MAK: variants seen among roughly 807,000 people sequenced by gnomAD.
MAK encodes the protein serine/threonine-protein kinase MAK.
Under a neutral mutation model 82.6 loss-of-function variants are expected in MAK, and 65 were observed. The ratio of observed to expected loss-of-function variants is 0.79; its 90% CI spans 0.64 to 0.97. The LOEUF (loss-of-function observed/expected upper bound fraction) is 0.97. Among genes scored for constraint, MAK ranks in the 50% least tolerant of loss-of-function variants. The pLI is 0.00. For synonymous variants in MAK, 250 were observed against 274.2 expected (o/e 0.91, Z 0.87); for missense variants, 703 against 780.2 (o/e 0.90, Z 1.18).
At chr6:10,820,407 G>A (rs927233284) in intron 2 of MAK, among the ~76,000 whole-genome samples, 1 of 152,080 alleles carries the variant, frequency 6.6e-6, no homozygotes, top group Non-Finnish European at 1.5e-5. Flanking sequence ...CTGTGGAACC[G>A]CACTGCCTGG....
At chr6:10,831,877 T>G (rs1395729142) in intron 1 of MAK, among the ~76,000 whole-genome samples, 9 of 152,202 alleles carry the variant, frequency 5.9e-5, no homozygotes, top group African/African-American at 2.2e-4. Flanking sequence ...AGAAACTGTT[T>G]TATTGAGATG....
intron 2 of MAK, chr6:10,826,587 T>C (rs934239084): frequency 1.2e-4 from 18 of 152,206 alleles, no homozygotes; most frequent in African/African-American, 4.1e-4. Flanking sequence ...CAACACACAG[T>C]AGATACTGCA....
chr6:10,826,729 G>A (rs796396173), intron 2 of MAK: 10 of 152,362 alleles, frequency 6.6e-5, no homozygotes, highest in African/African-American at 2.4e-4. Context: ...CCTGCAGCTA[G>A]GGGTGCCATG....
At chr6:10,768,963 G>A (rs1772729823) in intron 14 of MAK, among the ~76,000 whole-genome samples, 1 of 152,212 alleles carries the variant, frequency 6.6e-6, no homozygotes, top group African/African-American at 2.4e-5. Context: ...TAATCCCAGA[G>A]TTTTGGGAGG....
chr6:10,834,911 G>A (rs979265728), intron 1 of MAK, among the ~76,000 whole-genome samples: 5 of 152,308 alleles, frequency 3.3e-5, no homozygotes, highest in African/African-American at 1.2e-4. Flanking sequence ...GAGCGGGCTA[G>A]GGGACCGGGC....
At chr6:10,790,235 C>G (rs527513412) in intron 10 of MAK, among the ~76,000 whole-genome samples, 1 of 152,012 alleles carries the variant, frequency 6.6e-6, no homozygotes, top group Non-Finnish European at 1.5e-5. Context: ...GACCTGGAAA[C>G]GGATTGCATA....
At chr6:10,815,926 AT>A (rs1777453051) in intron 4 of MAK, among the ~76,000 whole-genome samples, 2 of 123,140 alleles carry the variant, frequency 1.6e-5, no homozygotes, top group African/African-American at 7.5e-5. Context: ...ATATATATAT[AT>A]ATATATATAT....
intron 1 of MAK, among the ~76,000 whole-genome samples, chr6:10,833,620 A>G (rs997014441): frequency 7.3e-5 from 11 of 151,262 alleles, no homozygotes; most frequent in African/African-American, 2.7e-4. Context: ...AATAATAATA[A>G]TAATAATAAT....
intron 2 of MAK, among the ~76,000 whole-genome samples, chr6:10,826,328 G>T (rs1376730755): frequency 6.6e-6 from 1 of 150,642 alleles, no homozygotes; most frequent in Non-Finnish European, 1.5e-5. Flanking sequence ...CTCCAGTGTG[G>T]CTTATCTAGG....
At chr6:10,795,699 G>T (rs1207466201) in intron 9 of MAK, among the ~76,000 whole-genome samples, 1 of 152,054 alleles carries the variant, frequency 6.6e-6, no homozygotes, top group Non-Finnish European at 1.5e-5. Flanking sequence ...AGCTAAGGTC[G>T]TGCCACTGCA....
chr6:10,772,317 T>C (rs1581643317), intron 13 of MAK, among the ~76,000 whole-genome samples: 1 of 152,028 alleles, frequency 6.6e-6, no homozygotes, highest in Non-Finnish European at 1.5e-5. Flanking sequence ...CCATCTCTAT[T>C]AACCCAGTTA....
intron 8 of MAK, among the ~76,000 whole-genome samples, chr6:10,799,067 G>T (rs1346503351): frequency 6.6e-6 from 1 of 152,084 alleles, no homozygotes; most frequent in East Asian, 1.9e-4. Context: ...CTGACCTCAA[G>T]TGATCCGCCT....
At chr6:10,831,936 A>C (rs1014973034) in intron 1 of MAK, among the ~76,000 whole-genome samples, 2 of 152,116 alleles carry the variant, frequency 1.3e-5, no homozygotes, top group Admixed American at 6.6e-5. Flanking sequence ...AAAGACAAAA[A>C]AGAATTTTTT....
chr6:10,797,962 T>C (rs1775694417), intron 8 of MAK: 1 of 1,158,208 alleles, frequency 8.6e-7, no homozygotes, highest in Admixed American at 4.2e-5. Flanking sequence ...AATACTTCAA[T>C]GCCTAGCACA....
intron 1 of MAK, among the ~76,000 whole-genome samples, chr6:10,837,019 T>C (rs1266803705): frequency 1.3e-5 from 2 of 152,194 alleles, no homozygotes; most frequent in Non-Finnish European, 2.9e-5. Flanking sequence ...TTTTGCCAGC[T>C]AATAAGAGAT....
At position 10,830,561 on chromosome 6, in the gene MAK, C is replaced by T; in HGVS notation, c.88G>A (p.Val30Met). 1 of 1,613,974 alleles carries T rather than the reference C, an allele frequency of 6.2e-7. No individual in the cohort carries two copies. Among genetic ancestry groups the T allele is most frequent in the South Asian group, 1.1e-5 (1 of 91,070 alleles). Residue 30 changes from valine to methionine, a missense_variant, in exon 2 of 15, where the codon GTG (valine) becomes ATG (methionine). Transcript: ENST00000354489. ...MGKSNESGELVAIKRMKRKFY... is the reference protein window; with the variant it reads ...MGKSNESGELMAIKRMKRKFY... Reference sequence around the variant, plus strand: ...CACACACAGTACCTTTTGATGGCCACCAGCTCCCCGGATTCATTACTCTTG... The same window carrying T: ...CACACACAGTACCTTTTGATGGCCATCAGCTCCCCGGATTCATTACTCTTG...
rs1487279606 is a variant in MAK, at chr6:10,795,985, A to C, written c.1143+13T>G. 1.1e-5 allele frequency: 18 copies of C among 1,612,630 alleles called. No individual in the cohort carries two copies. The highest frequency in any genetic ancestry group is 6.7e-5 in the African/African-American group (5 of 74,894). On this transcript the variant is annotated intron_variant, in intron 9 of 14. Transcript: ENST00000354489. ...AAACTATTTCATTGCAAGTGTCATG[A>C]CTGGCTACTCACAGTTGGCATGTTT... is the stretch of plus-strand genomic sequence containing the variant.
chr6:10,821,266 C>T (rs563503718), intron 2 of MAK, among the ~76,000 whole-genome samples: 55 of 151,238 alleles, frequency 3.6e-4, no homozygotes, highest in South Asian at 8.4e-4. Context: ...ATTCTTGAAA[C>T]GTAATTTCAG....
At chr6:10,813,479 C>T (rs1777223527) in intron 5 of MAK, among the ~76,000 whole-genome samples, 165 bp downstream of exon 5, 1 of 151,668 alleles carries the variant, frequency 6.6e-6, no homozygotes, top group Non-Finnish European at 1.5e-5. Context: ...TACAGAATCA[C>T]AGAAATTGAT....
Sources: gnomAD v4.1 joint callset for allele counts (sites outside exome capture counted in the v4.1 genomes callset) on GRCh38, gnomAD v4.1.1 for gene constraint, MANE v1.5 for transcripts, NCBI Gene and HGNC (gene_info 2026-07-23, HGNC 2026-07-21) for gene names.